Variants in RAB28 observed in about 807,000 individuals in gnomAD.
RAB28 encodes the protein RAB28, member RAS oncogene family, also known as ras-related protein Rab-28.
In RAB28, 24 loss-of-function variants were observed where a neutral mutation model predicts 31.7. That is an observed-to-expected ratio of 0.76 (90% CI 0.55 to 1.06). The LOEUF (loss-of-function observed/expected upper bound fraction) is 1.06, where lower values mean the gene tolerates loss of function less well. RAB28 is among the 50% of genes least tolerant of loss of function. RAB28 has a pLI of 0.00. For synonymous variants in RAB28, 100 were observed against 90.4 expected, an observed-to-expected ratio of 1.11 and a Z score of -0.60; for missense variants, 254 against 258.5, an observed-to-expected ratio of 0.98 and a Z score of 0.12.
chr4:13,432,656 A>AC (rs1392004117), intron 4 of RAB28, among the ~76,000 whole-genome samples: 16 of 152,028 alleles, frequency 1.1e-4, no homozygotes, highest in Non-Finnish European at 4.4e-5. Flanking sequence ...TAAAGAAAAA[A>AC]CCCCAGTCAA....
intron 3 of RAB28, 182 bp downstream of exon 3, chr4:13,474,136 C>A: frequency 1.4e-6 from 1 of 731,640 alleles, no homozygotes; most frequent in South Asian, 1.4e-5. Context: ...ACCCAAATCA[C>A]TCCAAACATA....
At chr4:13,438,733 A>G (rs1396253047) in intron 4 of RAB28, among the ~76,000 whole-genome samples, 4 of 152,142 alleles carry the variant, frequency 2.6e-5, no homozygotes, top group African/African-American at 9.7e-5. Flanking sequence ...GAATATTTGT[A>G]TATAAATTTT....
At chr4:13,450,051 ATC>A (rs1375722213) in intron 4 of RAB28, among the ~76,000 whole-genome samples, 1 of 151,894 alleles carries the variant, frequency 6.6e-6, no homozygotes, top group Non-Finnish European at 1.5e-5. Context: ...TAAAAAGTTA[ATC>A]TTTTTAAAAA....
intron 4 of RAB28, among the ~76,000 whole-genome samples, chr4:13,382,897 A>G (rs113205619): frequency 0.037 from 5,604 of 151,976 alleles, 170 homozygotes; most frequent in African/African-American, 0.083. Context: ...ATGGGGTTTC[A>G]CTACGTTGGC....
At chr4:13,399,269 G>A (rs1457636662) in intron 4 of RAB28, among the ~76,000 whole-genome samples, 1 of 152,130 alleles carries the variant, frequency 6.6e-6, no homozygotes, top group African/African-American at 2.4e-5. Flanking sequence ...TCCCAATGAA[G>A]TATATACAGT....
chr4:13,394,317 GATC>G (rs1175692912), intron 4 of RAB28, among the ~76,000 whole-genome samples: 1 of 152,172 alleles, frequency 6.6e-6, no homozygotes, highest in Non-Finnish European at 1.5e-5. Flanking sequence ...CTTCATCTCA[GATC>G]ATCAGGCATT....
In RAB28 at chr4:13,368,572, A is replaced by G. The variant is rs777506048; in HGVS notation, c.652T>C (p.Cys218Arg). The change falls in exon 7 of 7, where the codon TGT becomes CGT. Residue 218 changes from cysteine to arginine, a missense_variant. Physicochemically the swap from Cys to Arg is radical, Grantham distance 180. Transcript: ENST00000330852. Reference protein sequence around the residue: ...RTVNPPRSSMCAVQ With the variant: ...RTVNPPRSSMRAVQ ...GAAAAATGCGCTCACTGAACTGCAC[A>G]CATAGAGCTTCTAGGAGGGTTAACA... 1 of 1,612,028 alleles carries G rather than the reference A, an allele frequency of 6.2e-7. No homozygotes were observed. The highest frequency in any genetic ancestry group is 8.5e-7 in the Non-Finnish European group (1 of 1,178,888).
intron 6 of RAB28, among the ~76,000 whole-genome samples, chr4:13,375,215 C>T (rs1290824337): frequency 6.6e-6 from 1 of 152,118 alleles, no homozygotes; most frequent in Non-Finnish European, 1.5e-5. Flanking sequence ...TCTCAGCTTC[C>T]TGATCATAAA....
chr4:13,432,202 A>G (rs59392732), intron 4 of RAB28, among the ~76,000 whole-genome samples: 1 of 152,132 alleles, frequency 6.6e-6, no homozygotes, highest in Non-Finnish European at 1.5e-5. Context: ...TCAGAGCTTG[A>G]ATACCCGTCT....
intron 6 of RAB28, among the ~76,000 whole-genome samples, chr4:13,369,069 G>A (rs1728619371): frequency 6.6e-6 from 1 of 151,986 alleles, no homozygotes; most frequent in Non-Finnish European, 1.5e-5. Flanking sequence ...ATTATATTTA[G>A]CGAAAACTTT....
chr4:13,393,209 T>C (rs1729723114), intron 4 of RAB28, among the ~76,000 whole-genome samples: 1 of 152,216 alleles, frequency 6.6e-6, no homozygotes, highest in South Asian at 2.1e-4. Context: ...TTAGGGATGA[T>C]AGAAGCCATG....
chr4:13,426,003 G>T (rs765284730), intron 4 of RAB28, among the ~76,000 whole-genome samples: 7 of 152,020 alleles, frequency 4.6e-5, no homozygotes, highest in Non-Finnish European at 1.0e-4. Flanking sequence ...GAAATTAAAG[G>T]TTAGGTTAAA....
At chr4:13,446,221 A>G (rs1359886976) in intron 4 of RAB28, among the ~76,000 whole-genome samples, 5 of 152,000 alleles carry the variant, frequency 3.3e-5, no homozygotes, top group Non-Finnish European at 4.4e-5. Flanking sequence ...TCCCCCAACC[A>G]AACTTGGTCC....
At chr4:13,444,377 T>C (rs1052819905) in intron 4 of RAB28, among the ~76,000 whole-genome samples, 1 of 151,816 alleles carries the variant, frequency 6.6e-6, no homozygotes, top group African/African-American at 2.4e-5. Flanking sequence ...CGTGTGTGTA[T>C]ACAAATATAT....
chr4:13,412,110 A>T (rs1230294724), intron 4 of RAB28, among the ~76,000 whole-genome samples: 1 of 152,078 alleles, frequency 6.6e-6, no homozygotes, highest in East Asian at 1.9e-4. Flanking sequence ...TGAAGAAGGG[A>T]GCAAATTCAG....
At chr4:13,465,115 A>G (rs2108963869) in intron 3 of RAB28, among the ~76,000 whole-genome samples, 1 of 152,146 alleles carries the variant, frequency 6.6e-6, no homozygotes, top group East Asian at 1.9e-4. Context: ...ATGCAAAAAG[A>G]AAAAAACAAC....
rs573094480 is a variant in RAB28, at chr4:13,392,344, C to T, written c.392-10750G>A. On this transcript the variant is annotated intron_variant, in intron 4 of 6. Coordinates refer to ENST00000330852, the MANE Select transcript of RAB28 (RefSeq NM_001017979.3). ...TCAAATATCTTTATAAAGAAAATGT[C>T]CTAACAGTAAAATTTTTTCATATCC... Among the ~76,000 whole-genome samples the T allele has an allele frequency of 2.6e-5, 4 of 152,134 alleles. No individual in the cohort carries two copies. In the South Asian group the frequency reaches 8.3e-4, roughly 32 times the overall value.
chr4:13,380,403 T>G (rs1437129632), intron 5 of RAB28, among the ~76,000 whole-genome samples: 1 of 152,008 alleles, frequency 6.6e-6, no homozygotes, highest in East Asian at 1.9e-4. Flanking sequence ...TTTGAAAAAA[T>G]TATGATACAT....
At chr4:13,384,560 C>T (rs997535651) in intron 4 of RAB28, among the ~76,000 whole-genome samples, 1 of 152,176 alleles carries the variant, frequency 6.6e-6, no homozygotes, top group Non-Finnish European at 1.5e-5. Flanking sequence ...GGGCTGGATA[C>T]AAGTCCCCCA....
Sources: gnomAD v4.1 joint callset for allele counts (sites outside exome capture counted in the v4.1 genomes callset) on GRCh38, gnomAD v4.1.1 for gene constraint, MANE v1.5 for transcripts, NCBI Gene and HGNC (gene_info 2026-07-23, HGNC 2026-07-21) for gene names.